BBS9: variants seen among roughly 807,000 people sequenced by gnomAD.
The protein encoded by BBS9 is protein PTHB1.
Under a neutral mutation model 117.7 loss-of-function variants are expected in BBS9, and 89 were observed. The ratio of observed to expected loss-of-function variants is 0.76; its 90% CI spans 0.64 to 0.90. The LOEUF (loss-of-function observed/expected upper bound fraction) is 0.90, where lower values mean the gene tolerates loss of function less well. Ranked by LOEUF, BBS9 falls within the 40% of genes least tolerant of loss-of-function variation. The pLI is 0.00. For synonymous variants in BBS9, 379 were observed against 370.9 expected (o/e 1.02, Z -0.25); for missense variants, 982 against 1,042.2 (o/e 0.94, Z 0.80).
At chr7:33,156,265 T>C (rs1794076685) in intron 4 of BBS9, among the ~76,000 whole-genome samples, 1 of 152,224 alleles carries the variant, frequency 6.6e-6, no homozygotes, top group Non-Finnish European at 1.5e-5. Flanking sequence ...TATTATATTT[T>C]ATTTTGGCCT....
chr7:33,416,725 C>T (rs1386094754), intron 19 of BBS9, among the ~76,000 whole-genome samples: 2 of 152,120 alleles, frequency 1.3e-5, no homozygotes, highest in African/African-American at 2.4e-5. Context: ...GGGTTTTCCA[C>T]GTTATTCCAA....
At chr7:33,453,340 T>A (rs1838171878) in intron 19 of BBS9, among the ~76,000 whole-genome samples, 1 of 152,120 alleles carries the variant, frequency 6.6e-6, no homozygotes. Context: ...TTGAACCACA[T>A]GGGCTTGAAC....
At chr7:33,386,455 CATTTATTT>C (rs35669997) in intron 18 of BBS9, among the ~76,000 whole-genome samples, 11,209 of 138,240 alleles carry the variant, frequency 0.081, 523 homozygotes, top group South Asian at 0.2. Flanking sequence ...AGCTTGCTTT[CATTTATTT>C]ATTTATTTAT....
At chr7:33,334,024 G>C (rs1814730105) in intron 9 of BBS9, among the ~76,000 whole-genome samples, 2 of 152,128 alleles carry the variant, frequency 1.3e-5, no homozygotes, top group African/African-American at 4.8e-5. Context: ...GGAAGACCCT[G>C]GCTACTCTCT....
rs184948039 is a variant in BBS9, at chr7:33,619,642, A to T, written c.2522-15535A>T. 2.3e-3 allele frequency among the ~76,000 whole-genome samples: 343 copies of T among 152,318 alleles called. 2 individuals are homozygous for T. Among genetic ancestry groups the T allele is most frequent in the African/African-American group, 7.8e-3 (324 of 41,574 alleles). The stretch of plus-strand genomic sequence containing the variant: ...AGTCCTAACAAATCCAAGAAGATTG[A>T]CATAATATTAAGTATCTTCTTTTAC... On this transcript the variant is annotated intron_variant, in intron 21 of 21. Transcript: ENST00000671952.
At position 33,619,209 on chromosome 7, in the gene BBS9, T is replaced by TA. The variant is rs1036061325; in HGVS notation, c.2522-15967dup. On this transcript the variant is annotated intron_variant, in intron 21 of 21. Transcript: ENST00000671952. ...AAAAGAGAGCAGGGGTGTCTATACT[T>TA]ACGTCAGGCAAAATAGACTTTAGTC... 1.1e-4 allele frequency among the ~76,000 whole-genome samples: 17 copies of TA among 152,128 alleles called. 2 individuals are homozygous for TA.
chr7:33,609,525 T>C (rs1044106291), downstream of BBS9, among the ~76,000 whole-genome samples: 4 of 152,122 alleles, frequency 2.6e-5, no homozygotes, highest in Non-Finnish European at 5.9e-5. Flanking sequence ...GGAAAGTTAT[T>C]TTATGATGAG....
intron 21 of BBS9, among the ~76,000 whole-genome samples, chr7:33,552,123 T>A (rs1226872944): frequency 6.6e-6 from 1 of 152,154 alleles, no homozygotes; most frequent in Non-Finnish European, 1.5e-5. Flanking sequence ...TTCATATTAT[T>A]GTTTTATCTT....
chr7:33,546,984 C>T (rs180741558), intron 21 of BBS9, among the ~76,000 whole-genome samples: 2 of 152,326 alleles, frequency 1.3e-5, no homozygotes, highest in Non-Finnish European at 2.9e-5. Flanking sequence ...TGCAGACACA[C>T]ACACACACAT....
At chr7:33,291,235 G>T (rs181945794) in intron 9 of BBS9, among the ~76,000 whole-genome samples, 1 of 151,932 alleles carries the variant, frequency 6.6e-6, no homozygotes, top group African/African-American at 2.4e-5. Context: ...AGTAATTTTG[G>T]ATCAGTTATT....
intron 21 of BBS9, among the ~76,000 whole-genome samples, chr7:33,631,255 C>T (rs925652606): frequency 5.3e-5 from 8 of 152,144 alleles, no homozygotes; most frequent in Non-Finnish European, 1.0e-4. Flanking sequence ...CAGCCCATGC[C>T]GGCCCTGCAG....
At chr7:33,286,595 G>C (rs1188707571) in intron 9 of BBS9, among the ~76,000 whole-genome samples, 2 of 152,048 alleles carry the variant, frequency 1.3e-5, no homozygotes, top group Admixed American at 6.6e-5. Context: ...TGAGAATTCT[G>C]GGAAATAGCT....
chr7:33,558,216 G>A (rs1270547260), intron 21 of BBS9, among the ~76,000 whole-genome samples: 4 of 152,142 alleles, frequency 2.6e-5, no homozygotes, highest in African/African-American at 9.7e-5. Flanking sequence ...CATCCTAGTG[G>A]GAAGGGAAAA....
intron 20 of BBS9, chr7:33,533,554 A>G (rs1306647847): frequency 4.8e-6 from 1 of 209,400 alleles, no homozygotes; most frequent in Non-Finnish European, 9.8e-6. Context: ...AGCCGAAGAT[A>G]AGAAAGATAA....
intron 21 of BBS9, among the ~76,000 whole-genome samples, chr7:33,565,378 A>G (rs1163376850): frequency 6.6e-6 from 1 of 152,122 alleles, no homozygotes; most frequent in East Asian, 1.9e-4. Context: ...GGAAAATGCA[A>G]CTTAAAGGGA....
intron 19 of BBS9, among the ~76,000 whole-genome samples, chr7:33,427,567 G>A (rs1307859487): frequency 6.6e-6 from 1 of 152,148 alleles, no homozygotes; most frequent in African/African-American, 2.4e-5. Context: ...TTTTCCAGGT[G>A]TAGAATTTGT....
chr7:33,522,511 T>A (rs1205412505), intron 20 of BBS9, among the ~76,000 whole-genome samples: 1 of 152,126 alleles, frequency 6.6e-6, no homozygotes, highest in Non-Finnish European at 1.5e-5. Context: ...TGATGAGCAT[T>A]TTTTCATGTG....
intron 19 of BBS9, among the ~76,000 whole-genome samples, chr7:33,480,201 T>C (rs138626063): frequency 3.9e-4 from 59 of 152,356 alleles, no homozygotes; most frequent in African/African-American, 1.4e-3. Context: ...AACATTCTTC[T>C]ACATTCTTAT....
At chr7:33,252,237 G>A (rs975026476) in intron 5 of BBS9, among the ~76,000 whole-genome samples, 8 of 152,106 alleles carry the variant, frequency 5.3e-5, no homozygotes, top group South Asian at 2.1e-4. Flanking sequence ...GACCACCCTC[G>A]TGATCCAATT....
Sources: allele counts gnomAD v4.1 joint callset (sites outside exome capture counted in the v4.1 genomes callset), GRCh38; gene constraint gnomAD v4.1.1; transcripts MANE v1.5; gene names NCBI Gene and HGNC (gene_info 2026-07-23, HGNC 2026-07-21).